The following PIGT variants were observed in gnomAD, a reference collection of about 807,000 sequenced individuals.
The protein encoded by PIGT is phosphatidylinositol glycan anchor biosynthesis class T.
Under a neutral mutation model 66.7 loss-of-function variants are expected in PIGT, and 57 were observed. The ratio of observed to expected loss-of-function variants is 0.86; its 90% CI spans 0.69 to 1.07. The LOEUF (loss-of-function observed/expected upper bound fraction) is 1.07, where lower values mean the gene tolerates loss of function less well. Ranked by LOEUF, PIGT falls within the 50% of genes least tolerant of loss-of-function variation. The probability of loss-of-function intolerance (pLI) is 0.00; values close to 1 mark genes in which losing one functional copy is unlikely to be tolerated. For missense variants in PIGT, 725 were observed against 740.4 expected, an observed-to-expected ratio of 0.98 and a Z score of 0.24; for synonymous variants, 362 against 320.5, an observed-to-expected ratio of 1.13 and a Z score of -1.38.
Position 45,421,485 on chromosome 20 carries a change from G to C in PIGT, c.1136G>C (p.Arg379Pro). The change falls in exon 9 of 12, where the codon CGG becomes CCG. Residue 379 changes from arginine to proline, a missense_variant. Arg to Pro is a moderately radical substitution (Grantham distance 103, BLOSUM62 -2). Transcript: ENST00000279036. ...CTGCTGTACAACACCCACCCATACCGGGCCTTCCCGGTGCTGCTGCTGGAC... is the reference window on the plus strand; with the variant it reads ...CTGCTGTACAACACCCACCCATACCCGGCCTTCCCGGTGCTGCTGCTGGAC... The part of the protein sequence containing the change: ...STLLYNTHPY[R>P]AFPVLLLDTV... 1 of 1,614,104 alleles carries C rather than the reference G, an allele frequency of 6.2e-7. No individual in the cohort carries two copies. The highest frequency in any genetic ancestry group is 2.2e-5 in the East Asian group (1 of 44,884).
chr20:45,420,027 T>C (rs1249421524), intron 5 of PIGT, 109 bp from the exon 6 acceptor site: 1 of 780,430 alleles, frequency 1.3e-6, no homozygotes. Flanking sequence ...AGCAAATCGA[T>C]GGATGTGAAG....
chr20:45,425,638 CT>C lies in PIGT; in HGVS notation c.1550del (p.Leu517ArgfsTer12). On this transcript the variant is annotated frameshift_variant, in exon 12 of 12. Coordinates refer to ENST00000279036, the MANE Select transcript of PIGT (RefSeq NM_015937.6). LOFTEE classifies it high-confidence loss of function. The part of the protein sequence containing the change: ...RLYTEPLLVN[L>X]PTPDFSMPYN... ...CTACACGGAGCCGCTGCTGGTGAACCTGCCGACACCGGACTTCAGCATGCCC... is the reference window on the plus strand; with the variant it reads ...CTACACGGAGCCGCTGCTGGTGAACCGCCGACACCGGACTTCAGCATGCCC... The C allele has an allele frequency of 6.2e-7, 1 of 1,614,136 alleles. No individual in the cohort carries two copies. Among genetic ancestry groups the C allele is most frequent in the Non-Finnish European group, 8.5e-7 (1 of 1,179,998 alleles).
rs772475275 is a variant in PIGT, at chr20:45,418,978, T to C, written c.492T>C (p.Asn164=). The part of the protein sequence containing the change: ...TASFKPLGLA[N]DTDHYFLRYA... ...CCTTCAAACCCCTGGGTCTGGCCAA[T>C]GGTGAGATAACCCCTACAGCCCTTT... The change falls in exon 3 of 12, where the codon AAT becomes AAC. Residue 164 remains asparagine, a splice_region_variant and synonymous_variant. Coordinates refer to ENST00000279036, the MANE Select transcript of PIGT (RefSeq NM_015937.6). 3 of 1,614,090 alleles carry C rather than the reference T, an allele frequency of 1.9e-6. No homozygotes were observed. In the South Asian group the frequency reaches 3.3e-5, roughly 18 times the overall value.
In PIGT at chr20:45,416,521, C is replaced by T. The variant is rs760222898; in HGVS notation, c.192C>T (p.Ser64=). Residue 64 remains serine (S), a synonymous_variant, in exon 2 of 12, where the codon TCC becomes TCT. Transcript: ENST00000279036. ...WDSELQREGV[S]HYRLFPKALG... Reference sequence around the variant, plus strand: ...CACCTGCTCCCGTTTCCCCAGTGTCCCATTACAGGCTCTTTCCCAAAGCCC... The same window carrying T: ...CACCTGCTCCCGTTTCCCCAGTGTCTCATTACAGGCTCTTTCCCAAAGCCC... 3 of 1,613,686 alleles carry T rather than the reference C, an allele frequency of 1.9e-6. No individual in the cohort carries two copies. In the African/African-American group the frequency reaches 4.0e-5, roughly 22 times the overall value.
intron 8 of PIGT, 130 bp downstream of exon 8, chr20:45,420,823 G>T: frequency 1.1e-6 from 1 of 915,212 alleles, no homozygotes; most frequent in Non-Finnish European, 1.7e-6. Flanking sequence ...GCTGCTGACT[G>T]TAGCTATTCC....
rs376181100 is a variant in PIGT at position 45,416,343 on chromosome 20, G to A, written c.187G>A (p.Val63Met). 9 of 1,583,282 alleles carry A rather than the reference G, an allele frequency of 5.7e-6. No homozygotes were observed. Among genetic ancestry groups the A allele is most frequent in the Non-Finnish European group, 7.7e-6 (9 of 1,162,240 alleles). Residue 63 changes from valine to methionine, a missense_variant and splice_region_variant, in exon 1 of 12, where the codon GTG becomes ATG. Physicochemically the swap from Val to Met is conservative, Grantham distance 21 (BLOSUM62 1). This residue lies in a region of PIGT where 559 missense variants were observed against 552.7 expected (regional missense o/e 1.01). Coordinates refer to ENST00000279036, the MANE Select transcript of PIGT (RefSeq NM_015937.6). ...RWDSELQREG[V>M]SHYRLFPKAL... ...GGATTCGGAGCTTCAGCGGGAAGGA[G>A]GTGAGGGCGCGAGATCTGACCAGGG...
chr20:45,425,480 A>G (rs752591651), intron 11 of PIGT, 94 bp from the exon 12 acceptor site: 1 of 1,404,418 alleles, frequency 7.1e-7, no homozygotes, highest in Non-Finnish European at 9.7e-7. Flanking sequence ...CATTGGAAAC[A>G]CTGTGTTGCA....
At chr20:45,419,185 T>C (rs1386335934) in intron 3 of PIGT, 110 bp from the exon 4 acceptor site, 1 of 1,094,270 alleles carries the variant, frequency 9.1e-7, no homozygotes, top group Admixed American at 2.0e-5. Flanking sequence ...GTCCAGACTG[T>C]GGTGCTAGAG....
intron 9 of PIGT, chr20:45,422,844 T>C (rs970741589): frequency 2.6e-5 from 4 of 152,174 alleles, no homozygotes; most frequent in African/African-American, 9.7e-5. Context: ...GTCTTAAAAA[T>C]GTCTTTTTAT....
rs1323817587 is a variant in PIGT, at chr20:45,424,563, C to T, written c.1468C>T (p.Pro490Ser). 2.5e-6 allele frequency: 4 copies of T among 1,613,704 alleles called. No individual in the cohort carries two copies. The highest frequency in any genetic ancestry group is 3.3e-5 in the Admixed American group (2 of 60,010). The change falls in exon 11 of 12, where the codon CCC (proline) becomes TCC (serine). Residue 490 changes from proline (P) to serine (S), a missense_variant. By Grantham distance (74) the Pro-to-Ser change is moderately conservative. Around this residue, in one of 3 missense-constraint regions of PIGT, gnomAD observed 162 missense variants for 171.1 expected, o/e 0.95. Transcript: ENST00000279036. ...AAKPVDWEES[P>S]LFNSLFPVSD... ...CAAGCCAGTGGACTGGGAAGAGAGT[C>T]CCCTCTTCAACAGCCTGTAAGTGTG...
Position 45,425,807 on chromosome 20 carries a change from G to T in PIGT, c.1718G>T (p.Arg573Leu). 1 of 1,613,760 alleles carries T rather than the reference G, an allele frequency of 6.2e-7. No individual in the cohort carries two copies. Among genetic ancestry groups the T allele is most frequent in the Non-Finnish European group, 8.5e-7 (1 of 1,179,858 alleles). Reference protein sequence around the residue: ...KRLANLIRRARGVPPL With the variant: ...KRLANLIRRALGVPPL ...CTGGCCAACCTTATCCGGCGCGCCC[G>T]AGGTGTCCCCCCACTCTGATTCTTG... The change falls in exon 12 of 12, where the codon CGA becomes CTA. Residue 573 changes from arginine to leucine, a missense_variant. This residue lies in a region of PIGT where 162 missense variants were observed against 171.1 expected (regional missense o/e 0.95). Transcript: ENST00000279036.
At position 45,421,430 on chromosome 20, in the gene PIGT, T is replaced by A; in HGVS notation, c.1081T>A (p.Tyr361Asn). ...GCATGCCCAGCGGTACGTGAGTGGC[T>A]ATGGGCTGCAGAAGGGGGAGCTGAG... The part of the protein sequence containing the change: ...FLHAQRYVSG[Y>N]GLQKGELSTL... The change falls in exon 9 of 12, where the codon TAT (tyrosine) becomes AAT (asparagine). Residue 361 changes from tyrosine (Y) to asparagine (N), a missense_variant. Coordinates refer to ENST00000279036, the MANE Select transcript of PIGT (RefSeq NM_015937.6). 1 of 1,614,158 alleles carries A rather than the reference T, an allele frequency of 6.2e-7. No individual in the cohort carries two copies. The highest frequency in any genetic ancestry group is 8.5e-7 in the Non-Finnish European group (1 of 1,180,022).
rs1352222977 is a variant in PIGT, at chr20:45,418,895, A to G, written c.409A>G (p.Ile137Val). 1 of 1,613,994 alleles carries G rather than the reference A, an allele frequency of 6.2e-7. No individual in the cohort carries two copies. The highest frequency in any genetic ancestry group is 1.7e-5 in the Admixed American group (1 of 60,018). Residue 137 changes from isoleucine to valine, a missense_variant, in exon 3 of 12, where the codon ATC (isoleucine) becomes GTC (valine). Ile to Val is a conservative substitution (Grantham distance 29). Coordinates refer to ENST00000279036, the MANE Select transcript of PIGT (RefSeq NM_015937.6). ...WKELSNVLSG[I>V]FCASLNFIDS... ...GGAGCTCAGTAATGTCCTCTCAGGG[A>G]TCTTCTGCGCCTCTCTCAACTTCAT... is the stretch of plus-strand genomic sequence containing the variant.
intron 5 of PIGT, chr20:45,419,874 C>T (rs1990237980): frequency 5.0e-6 from 3 of 600,330 alleles, no homozygotes; most frequent in East Asian, 5.5e-5. Flanking sequence ...ATTTCATTCC[C>T]CTGAGCTTGG....
At chr20:45,419,872 C>T (rs760543934) in intron 5 of PIGT, 21 of 600,194 alleles carry the variant, frequency 3.5e-5, no homozygotes, top group Non-Finnish European at 5.6e-5. Context: ...TCATTTCATT[C>T]CCCTGAGCTT....
chr20:45,421,098 C>T (rs1213652204), intron 8 of PIGT: 1 of 534,294 alleles, frequency 1.9e-6, no homozygotes, highest in Non-Finnish European at 3.3e-6. Flanking sequence ...TGTTCAGTTC[C>T]CTTACCAAGG....
Sources: allele counts gnomAD v4.1 joint callset, GRCh38; gene constraint gnomAD v4.1.1; regional missense constraint gnomAD v4.1.1; transcripts MANE v1.5; gene names NCBI Gene and HGNC (gene_info 2026-07-23, HGNC 2026-07-21).